Variants in VPS53 observed in about 807,000 individuals in gnomAD.
The protein encoded by VPS53 is VPS53 subunit of GARP complex, also known as vacuolar protein sorting-associated protein 53 homolog.
Under a neutral mutation model 107.0 loss-of-function variants are expected in VPS53, and 70 were observed. The ratio of observed to expected loss-of-function variants is 0.65; its 90% CI spans 0.54 to 0.80. The LOEUF is 0.80. Among genes scored for constraint, VPS53 ranks in the 30% least tolerant of loss-of-function variants. The probability of loss-of-function intolerance (pLI) is 0.00; values close to 1 mark genes in which losing one functional copy is unlikely to be tolerated. For missense variants in VPS53, 917 were observed against 1,049.4 expected (o/e 0.87, Z 1.74); for synonymous variants, 409 against 393.3 (o/e 1.04, Z -0.47).
intron 4 of VPS53, among the ~76,000 whole-genome samples, chr17:689,737 G>A (rs1032966732): frequency 6.6e-6 from 1 of 152,098 alleles, no homozygotes; most frequent in Admixed American, 6.6e-5. Flanking sequence ...GCCTCCCAAA[G>A]TGTTGGGATT....
Position 517,268 on chromosome 17 carries a change from A to G in VPS53, c.*1860T>C. 1 of 393,536 alleles carries G rather than the reference A, an allele frequency of 2.5e-6. No individual in the cohort carries two copies. The highest frequency in any genetic ancestry group is 1.4e-4 in the South Asian group (1 of 7,028). 24.4% of individuals were successfully genotyped at this position (393,536 alleles called of 1,614,324 possible). On this transcript the variant is annotated 3_prime_UTR_variant, in exon 22 of 22. Transcript: ENST00000437048. The stretch of plus-strand genomic sequence containing the variant: ...CTTCTTTTCTCCTCCGCATTCTCAA[A>G]TTTGAGACGCTTGATGCGTGAGAGT...
chr17:611,180 A>G (rs1023968499), intron 11 of VPS53, among the ~76,000 whole-genome samples: 2 of 151,926 alleles, frequency 1.3e-5, no homozygotes, highest in African/African-American at 4.8e-5. Flanking sequence ...CGCCTGGCTA[A>G]GTTTTGTATT....
chr17:565,419 A>T (rs867732076), intron 13 of VPS53, among the ~76,000 whole-genome samples: 1 of 151,554 alleles, frequency 6.6e-6, no homozygotes, highest in East Asian at 1.9e-4. Flanking sequence ...AAAAAAAAAA[A>T]AAAAAAAGAA....
chr17:711,869 T>A (rs1429458333), intron 1 of VPS53, among the ~76,000 whole-genome samples: 1 of 149,000 alleles, frequency 6.7e-6, no homozygotes, highest in Non-Finnish European at 1.5e-5. Flanking sequence ...CAGGCTGGAG[T>A]GCAGTAGCGC....
intron 11 of VPS53, among the ~76,000 whole-genome samples, chr17:605,296 G>C (rs980962274): frequency 1.3e-5 from 2 of 152,200 alleles, no homozygotes; most frequent in Non-Finnish European, 2.9e-5. Context: ...ATGAGGGTGG[G>C]AAAGTGCTTC....
At chr17:598,560 G>A (rs375960378) in intron 12 of VPS53, among the ~76,000 whole-genome samples, 9 of 150,142 alleles carry the variant, frequency 6.0e-5, no homozygotes, top group African/African-American at 1.5e-4. Context: ...AGTGAGGAGC[G>A]TCTCTGCCCG....
At chr17:635,035 C>G (rs1180155431) in intron 7 of VPS53, among the ~76,000 whole-genome samples, 1 of 152,210 alleles carries the variant, frequency 6.6e-6, no homozygotes, top group South Asian at 2.1e-4. Context: ...GTTCCTATTT[C>G]TCCACATCCT....
At chr17:673,245 C>T (rs1284317568) in intron 4 of VPS53, among the ~76,000 whole-genome samples, 1 of 152,144 alleles carries the variant, frequency 6.6e-6, no homozygotes, top group East Asian at 1.9e-4. Flanking sequence ...GCCCTCACCA[C>T]ATCCACTGAG....
chr17:582,458 A>G (rs928422794), intron 13 of VPS53, among the ~76,000 whole-genome samples: 1 of 147,918 alleles, frequency 6.8e-6, no homozygotes, highest in African/African-American at 2.5e-5. Flanking sequence ...ATGCATTCCC[A>G]AAGAACCTCC....
chr17:577,004 A>T (rs1914677715), intron 13 of VPS53, among the ~76,000 whole-genome samples: 1 of 147,460 alleles, frequency 6.8e-6, no homozygotes, highest in South Asian at 2.1e-4. Flanking sequence ...CTCCCTCAGG[A>T]CCTCAATGCA....
In VPS53 at chr17:524,887, T is replaced by G. The variant is rs946721542; in HGVS notation, c.2086-3149A>C. 6.6e-6 allele frequency among the ~76,000 whole-genome samples: 1 copy of G among 152,190 alleles called. No homozygotes were observed. The highest frequency in any genetic ancestry group is 2.4e-5 in the African/African-American group (1 of 41,438). ...TTAGTTCAAGCACGTTGGGGGAAATTTAGCAACATTTCCTTAGCTGGAGAT... is the reference window on the plus strand; with the variant it reads ...TTAGTTCAAGCACGTTGGGGGAAATGTAGCAACATTTCCTTAGCTGGAGAT... On this transcript the variant is annotated intron_variant, in intron 19 of 21. Transcript: ENST00000437048. The surrounding 1 kb of genome is among the most constrained non-coding windows in gnomAD (Gnocchi z 4.5).
intron 12 of VPS53, among the ~76,000 whole-genome samples, chr17:591,133 C>T (rs1030893408): frequency 2.7e-5 from 4 of 150,866 alleles, no homozygotes; most frequent in South Asian, 2.1e-4. Context: ...AGGAATTTAT[C>T]CATTTCTTCT....
At chr17:549,333 T>C (rs1237103860) in intron 17 of VPS53, among the ~76,000 whole-genome samples, 2 of 152,230 alleles carry the variant, frequency 1.3e-5, no homozygotes, top group African/African-American at 4.8e-5. Context: ...GATTTTATTT[T>C]GCTAGAACTC....
chr17:596,598 G>C (rs1307028039), intron 12 of VPS53, among the ~76,000 whole-genome samples: 1 of 152,226 alleles, frequency 6.6e-6, no homozygotes, highest in Non-Finnish European at 1.5e-5. Flanking sequence ...GTGAGCTGAA[G>C]CAAGAGAGGA....
At chr17:617,151 G>C (rs116841995) in intron 11 of VPS53, among the ~76,000 whole-genome samples, 2,366 of 152,326 alleles carry the variant, frequency 0.016, 24 homozygotes, top group Middle Eastern at 0.031. Context: ...GCCAGAGGCC[G>C]TGGGAGCTCA....
In VPS53 at chr17:628,222, C is replaced by T. The variant is rs777241855; in HGVS notation, c.697G>A (p.Gly233Arg). 3.7e-5 allele frequency: 60 copies of T among 1,613,594 alleles called. No individual in the cohort carries two copies. Among genetic ancestry groups the T allele is most frequent in the Non-Finnish European group, 5.1e-5 (60 of 1,179,928 alleles). The change falls in exon 9 of 22, where the codon GGA (glycine) becomes AGA (arginine). Residue 233 changes from glycine (G) to arginine (R), a missense_variant. Transcript: ENST00000437048. ...FPSQGTKRPG[G>R]PSNVLRDACL... is the part of the protein sequence containing the mutation. ...GCATCTCGTAGAACATTGCTGGGTC[C>T]TCCTGGTCTCTAGTAAAACAAACAT...
intron 12 of VPS53, among the ~76,000 whole-genome samples, chr17:598,330 G>T (rs1039278534): frequency 7.0e-5 from 10 of 142,494 alleles, no homozygotes; most frequent in Non-Finnish European, 1.0e-4. Flanking sequence ...CCTCCCAGCC[G>T]CCTGCCTTGG....
Position 628,372 on chromosome 17 carries a change from G to A in VPS53, c.688-141C>T, listed in dbSNP as rs184302861. 1.2e-4 allele frequency: 127 copies of A among 1,023,426 alleles called. 2 individuals are homozygous for A. In the Middle Eastern group the frequency reaches 3.2e-3, roughly 26 times the overall value. 63.4% of individuals were successfully genotyped at this position (1,023,426 alleles called of 1,614,324 possible). On this transcript the variant is annotated intron_variant, in intron 8 of 21. Transcript: ENST00000437048. ...ACACTCATTCTTTCTGCTGTGGCTG[G>A]ATCTGTCAGTTACCTGCTGCTCCTC...
intron 11 of VPS53, among the ~76,000 whole-genome samples, chr17:609,645 T>C (rs1968749825): frequency 6.6e-6 from 1 of 152,170 alleles, no homozygotes; most frequent in South Asian, 2.1e-4. Context: ...TAACTGCATT[T>C]GGAAGAACAG....
Sources: allele counts gnomAD v4.1 joint callset (sites outside exome capture counted in the v4.1 genomes callset), GRCh38; gene constraint gnomAD v4.1.1; non-coding constraint Gnocchi (gnomAD v3.1); transcripts MANE v1.5; gene names NCBI Gene and HGNC (gene_info 2026-07-23, HGNC 2026-07-21).